DENND6A: variants seen among roughly 807,000 people sequenced by gnomAD.
DENND6A encodes protein DENND6A.
In DENND6A, 43 loss-of-function variants were observed where a neutral mutation model predicts 95.5. The ratio of observed to expected loss-of-function variants is 0.45; its 90% CI spans 0.35 to 0.58. The LOEUF is 0.58. Among genes scored for constraint, DENND6A ranks in the 20% least tolerant of loss-of-function variants. The pLI is 0.00. For synonymous variants in DENND6A, 257 were observed against 260.4 expected (o/e 0.99, Z 0.13); for missense variants, 574 against 736.0 (o/e 0.78, Z 2.55).
chr3:57,691,065 TTC>T (rs1282899280), intron 1 of DENND6A, among the ~76,000 whole-genome samples: 2 of 152,244 alleles, frequency 1.3e-5, no homozygotes, highest in Admixed American at 6.5e-5. Context: ...CAAATATATT[TTC>T]TGTTTATTTG....
chr3:57,650,050 A>T (rs1439047802), intron 9 of DENND6A, among the ~76,000 whole-genome samples: 1 of 152,140 alleles, frequency 6.6e-6, no homozygotes, highest in East Asian at 1.9e-4. Context: ...GGAAAACCAA[A>T]CATCATATGT....
intron 9 of DENND6A, 23 bp downstream of exon 9, chr3:57,657,657 T>A (rs751756628): frequency 2.7e-6 from 4 of 1,455,758 alleles, no homozygotes; most frequent in Admixed American, 1.9e-5. Context: ...GGAAGTCAGT[T>A]AATAAAATTT....
intron 11 of DENND6A, among the ~76,000 whole-genome samples, chr3:57,643,015 AAAAAAAAG>A (rs2070984033): frequency 6.7e-6 from 1 of 149,308 alleles, no homozygotes; most frequent in African/African-American, 2.5e-5. Context: ...TCAAAAAAAA[AAAAAAAAG>A]AAAGATCACT....
intron 12 of DENND6A, among the ~76,000 whole-genome samples, chr3:57,641,418 T>G (rs2153413246): frequency 6.8e-6 from 1 of 147,658 alleles, no homozygotes; most frequent in Admixed American, 6.9e-5. Flanking sequence ...AGTGTTATAT[T>G]ATTATTCTAT....
chr3:57,683,677 C>T (rs1355882253), intron 1 of DENND6A, among the ~76,000 whole-genome samples: 1 of 152,090 alleles, frequency 6.6e-6, no homozygotes, highest in African/African-American at 2.4e-5. Flanking sequence ...ACTATTACTA[C>T]CAAGAATTTA....
At chr3:57,678,838 T>C (rs1223332762) in intron 1 of DENND6A, among the ~76,000 whole-genome samples, 20 of 152,286 alleles carry the variant, frequency 1.3e-4, no homozygotes, top group African/African-American at 4.6e-4. Flanking sequence ...CCAGGTGTGA[T>C]GGCTTTTGCC....
Position 57,653,846 on chromosome 3 carries a change from TACC to T in DENND6A, c.818+3831_818+3833del, listed in dbSNP as rs750875727. On this transcript the variant is annotated intron_variant, in intron 9 of 19. Transcript: ENST00000311128. Reference sequence around the variant, plus strand: ...AAATCACTGGGTTTTTTTTTTTTAGTACCACATTTATATTCCCATTCTGGCGTA... The same window carrying T: ...AAATCACTGGGTTTTTTTTTTTTAGTACATTTATATTCCCATTCTGGCGTA... 1.2e-3 allele frequency among the ~76,000 whole-genome samples: 176 copies of T among 149,846 alleles called. 1 individual carries two copies. The highest frequency in any genetic ancestry group is 4.1e-3 in the African/African-American group (166 of 40,666).
chr3:57,688,333 A>T (rs1211428918), intron 1 of DENND6A, among the ~76,000 whole-genome samples: 1 of 152,060 alleles, frequency 6.6e-6, no homozygotes, highest in African/African-American at 2.4e-5. Context: ...TGTTTATGAG[A>T]ATATTTATGA....
chr3:57,631,732 T>G (rs965851129), intron 15 of DENND6A, among the ~76,000 whole-genome samples: 8 of 144,910 alleles, frequency 5.5e-5, no homozygotes, highest in African/African-American at 2.0e-4. Context: ...TTTTTTTTTT[T>G]TTTTTTTTGA....
intron 3 of DENND6A, among the ~76,000 whole-genome samples, chr3:57,670,387 AT>A (rs1375890013): frequency 6.6e-6 from 1 of 152,212 alleles, no homozygotes; most frequent in Admixed American, 6.5e-5. Context: ...AGGAAAAAGG[AT>A]TTGGACTTCT....
intron 1 of DENND6A, among the ~76,000 whole-genome samples, chr3:57,674,323 A>G (rs1437891728): frequency 6.6e-6 from 1 of 151,954 alleles, no homozygotes; most frequent in Non-Finnish European, 1.5e-5. Flanking sequence ...CAGCGAGCCA[A>G]GATCGCGCCA....
intron 9 of DENND6A, among the ~76,000 whole-genome samples, chr3:57,647,018 T>C (rs2071093248): frequency 6.6e-6 from 1 of 152,186 alleles, no homozygotes; most frequent in Non-Finnish European, 1.5e-5. Flanking sequence ...ACTCTGCTAG[T>C]ATGTTACCAG....
intron 1 of DENND6A, among the ~76,000 whole-genome samples, chr3:57,680,827 G>A (rs532172189): frequency 6.6e-6 from 1 of 152,178 alleles, no homozygotes; most frequent in East Asian, 1.9e-4. Context: ...TAGTTATTAG[G>A]GAAATGCAAA....
At position 57,672,307 on chromosome 3, in the gene DENND6A, G is replaced by T; in HGVS notation, c.277-9C>A. The T allele has an allele frequency of 6.2e-7, 1 of 1,608,222 alleles. No individual in the cohort carries two copies. Among genetic ancestry groups the T allele is most frequent in the Non-Finnish European group, 8.5e-7 (1 of 1,178,272 alleles). Reference sequence around the variant, plus strand: ...TAGCAAATATTGGTTTTCTGAAAAAGAAAACAAAAGTGATGTATGCTGACA... The same window carrying T: ...TAGCAAATATTGGTTTTCTGAAAAATAAAACAAAAGTGATGTATGCTGACA... On this transcript the variant is annotated splice_polypyrimidine_tract_variant and intron_variant, in intron 2 of 19. Transcript: ENST00000311128.
rs184511717 is a variant in DENND6A, at chr3:57,627,553, G to C, written c.*661C>G. ...TAACATTAAATTTTGAAAATGGAAG[G>C]GAAAATAATGAAAATCTATATGACA... On this transcript the variant is annotated 3_prime_UTR_variant, in exon 20 of 20. Transcript: ENST00000311128. 2.0e-5 allele frequency: 3 copies of C among 151,746 alleles called. No individual in the cohort carries two copies. The highest frequency in any genetic ancestry group is 6.6e-5 in the Admixed American group (1 of 15,212). The allele number at this position is 151,746 out of a possible 1,614,324, so 9.4% of individuals were successfully genotyped here.
At chr3:57,682,833 G>A (rs966500777) in intron 1 of DENND6A, among the ~76,000 whole-genome samples, 2 of 152,028 alleles carry the variant, frequency 1.3e-5, no homozygotes, top group African/African-American at 2.4e-5. Context: ...GCAACATCCC[G>A]CCCGGCTAAT....
intron 12 of DENND6A, 37 bp downstream of exon 12, chr3:57,641,616 T>G: frequency 6.4e-7 from 1 of 1,563,444 alleles, no homozygotes; most frequent in Non-Finnish European, 8.7e-7. Flanking sequence ...TCAGCAACAC[T>G]GCACACTAGA....
chr3:57,635,815 C>T (rs1382960364), intron 12 of DENND6A, among the ~76,000 whole-genome samples: 2 of 152,104 alleles, frequency 1.3e-5, no homozygotes, highest in African/African-American at 2.4e-5. Context: ...TTAAACTGTG[C>T]ATATTCACTT....
intron 3 of DENND6A, among the ~76,000 whole-genome samples, chr3:57,669,289 G>GA (rs2071575969): frequency 6.6e-6 from 1 of 152,048 alleles, no homozygotes; most frequent in African/African-American, 2.4e-5. Flanking sequence ...GGACAATGAT[G>GA]ATCTGTTAAG....
Sources: allele counts gnomAD v4.1 joint callset (sites outside exome capture counted in the v4.1 genomes callset), GRCh38; gene constraint gnomAD v4.1.1; transcripts MANE v1.5; gene names NCBI Gene and HGNC (gene_info 2026-07-23, HGNC 2026-07-21).